LRRTM3: variants seen among roughly 807,000 people sequenced by gnomAD.
The protein encoded by LRRTM3 is leucine rich repeat transmembrane neuronal 3.
A neutral mutation model predicts 44.7 loss-of-function variants in LRRTM3; 24 were observed. The ratio of observed to expected loss-of-function variants is 0.54; its 90% CI spans 0.39 to 0.76. LRRTM3 has a LOEUF of 0.76. Among genes scored for constraint, LRRTM3 ranks in the 30% least tolerant of loss-of-function variants. The pLI is 0.00. For synonymous variants in LRRTM3, 277 were observed against 278.7 expected, an observed-to-expected ratio of 0.99 and a Z score of 0.06; for missense variants, 587 against 702.2, an observed-to-expected ratio of 0.84 and a Z score of 1.85.
At chr10:66,981,000 G>A (rs552657360) in intron 2 of LRRTM3, among the ~76,000 whole-genome samples, 6 of 152,094 alleles carry the variant, frequency 3.9e-5, no homozygotes, top group African/African-American at 9.6e-5. Flanking sequence ...TCCACCTCCC[G>A]GGTTCAAGTG....
chr10:67,000,094 T>G (rs1851590631), intron 2 of LRRTM3, among the ~76,000 whole-genome samples: 1 of 152,178 alleles, frequency 6.6e-6, no homozygotes, highest in African/African-American at 2.4e-5. Flanking sequence ...TTCTCCATAT[T>G]TCTAACAACT....
At chr10:67,007,036 TC>T (rs1299444682) in intron 2 of LRRTM3, among the ~76,000 whole-genome samples, 1 of 152,188 alleles carries the variant, frequency 6.6e-6, no homozygotes, top group African/African-American at 2.4e-5. Flanking sequence ...CCTCAAATGA[TC>T]CACCCTGCTC....
chr10:66,973,003 C>A lies in LRRTM3; in HGVS notation c.1536+44551C>A, dbSNP rs1439037951. Reference sequence around the variant, plus strand: ...GAAATGTCAGTATTAAAAACTAAGTCAACCACAAGCAGTTTTACATCATGT... The same window carrying A: ...GAAATGTCAGTATTAAAAACTAAGTAAACCACAAGCAGTTTTACATCATGT... On this transcript the variant is annotated intron_variant, in intron 2 of 2. Transcript: ENST00000361320. Among the ~76,000 whole-genome samples the A allele has an allele frequency of 3.3e-5, 5 of 152,236 alleles. No individual in the cohort carries two copies. In the South Asian group the frequency reaches 1.0e-3, roughly 32 times the overall value.
chr10:67,060,113 C>T (rs547593215), intron 2 of LRRTM3, among the ~76,000 whole-genome samples: 46 of 152,080 alleles, frequency 3.0e-4, no homozygotes, highest in Non-Finnish European at 4.9e-4. Flanking sequence ...CCTAGGATTT[C>T]GAGACCAGCC....
At chr10:66,932,401 G>A (rs1847453918) in intron 2 of LRRTM3, among the ~76,000 whole-genome samples, 1 of 152,162 alleles carries the variant, frequency 6.6e-6, no homozygotes, top group African/African-American at 2.4e-5. Flanking sequence ...GATAAAGTGA[G>A]TTCCAGACAT....
rs760199977 is a variant in LRRTM3 at position 67,001,654 on chromosome 10, C to G, written c.1536+73202C>G. Among the ~76,000 whole-genome samples, 38 of 152,012 alleles carry G rather than the reference C, an allele frequency of 2.5e-4. No homozygotes were observed. The Middle Eastern group carries it at 0.01, about 41-fold the overall frequency. ...AGAATAATTTTATAAAGAAAGTTACCACAAGACAACTTTAGTGGATCCTAA... is the reference window on the plus strand; with the variant it reads ...AGAATAATTTTATAAAGAAAGTTACGACAAGACAACTTTAGTGGATCCTAA... On this transcript the variant is annotated intron_variant, in intron 2 of 2. Transcript: ENST00000361320.
intron 2 of LRRTM3, among the ~76,000 whole-genome samples, chr10:66,950,900 CAT>C (rs1395386510): frequency 1.3e-5 from 2 of 152,094 alleles, no homozygotes; most frequent in Non-Finnish European, 2.9e-5. Context: ...GGTGTAATCA[CAT>C]GAGACAGAAT....
intron 2 of LRRTM3, among the ~76,000 whole-genome samples, chr10:66,994,710 G>A (rs1351519817): frequency 6.6e-6 from 1 of 152,130 alleles, no homozygotes; most frequent in East Asian, 1.9e-4. Flanking sequence ...TTAAGATAAG[G>A]AATAGCTTGA....
At chr10:66,936,093 G>C (rs1389129772) in intron 2 of LRRTM3, among the ~76,000 whole-genome samples, 1 of 152,072 alleles carries the variant, frequency 6.6e-6, no homozygotes, top group Non-Finnish European at 1.5e-5. Context: ...TAAGTGTTTA[G>C]TCTTTTGGAC....
At chr10:67,084,078 T>C (rs545277823) in intron 2 of LRRTM3, among the ~76,000 whole-genome samples, 92 of 152,198 alleles carry the variant, frequency 6.0e-4, no homozygotes, top group African/African-American at 2.2e-3. Context: ...AGTGTTTCCT[T>C]ATAAACAAGC....
chr10:67,030,996 C>A (rs937962494), intron 2 of LRRTM3, among the ~76,000 whole-genome samples: 1 of 152,054 alleles, frequency 6.6e-6, no homozygotes, highest in Non-Finnish European at 1.5e-5. Flanking sequence ...AAGAGCGAAA[C>A]TCCGTCTCAA....
At chr10:67,074,085 G>A (rs1474166717) in intron 2 of LRRTM3, among the ~76,000 whole-genome samples, 1 of 134,708 alleles carries the variant, frequency 7.4e-6, no homozygotes, top group Non-Finnish European at 1.5e-5. Context: ...CTCCAGGCTG[G>A]AGTGCAGTGG....
At chr10:66,975,919 A>C (rs1280648323) in intron 2 of LRRTM3, among the ~76,000 whole-genome samples, 3 of 152,222 alleles carry the variant, frequency 2.0e-5, no homozygotes, top group Non-Finnish European at 4.4e-5. Flanking sequence ...AAATATATAA[A>C]AGTCATTTAT....
intron 2 of LRRTM3, among the ~76,000 whole-genome samples, chr10:66,942,615 T>TGC: frequency 6.6e-6 from 1 of 152,010 alleles, no homozygotes; most frequent in East Asian, 1.9e-4. Context: ...TGCGTGTGTG[T>TGC]GCATGTGTCT....
chr10:66,972,204 A>G (rs2132832244), intron 2 of LRRTM3, among the ~76,000 whole-genome samples: 1 of 152,314 alleles, frequency 6.6e-6, no homozygotes, highest in South Asian at 2.1e-4. Context: ...ATGAACAAAG[A>G]TTTCTTTCTC....
intron 2 of LRRTM3, among the ~76,000 whole-genome samples, chr10:67,029,241 A>G (rs1853575811): frequency 6.6e-6 from 1 of 152,240 alleles, no homozygotes; most frequent in African/African-American, 2.4e-5. Flanking sequence ...ATATTCTTAA[A>G]TAAAACATGA....
intron 2 of LRRTM3, among the ~76,000 whole-genome samples, chr10:67,034,950 T>C (rs1853953327): frequency 6.6e-6 from 1 of 152,214 alleles, no homozygotes; most frequent in Non-Finnish European, 1.5e-5. Context: ...GCCTGAAATA[T>C]GCCCACCTAT....
intron 2 of LRRTM3, among the ~76,000 whole-genome samples, chr10:66,974,815 T>C (rs756450422): frequency 2.6e-5 from 4 of 152,100 alleles, no homozygotes; most frequent in Non-Finnish European, 5.9e-5. Context: ...TTTTTTTTTT[T>C]CTGAAGTGTC....
intron 2 of LRRTM3, among the ~76,000 whole-genome samples, chr10:66,938,710 T>C (rs1847848549): frequency 6.6e-6 from 1 of 152,200 alleles, no homozygotes; most frequent in Non-Finnish European, 1.5e-5. Flanking sequence ...CATGTTCTGA[T>C]TTAAATTGCT....
Sources: allele counts gnomAD v4.1 joint callset (sites outside exome capture counted in the v4.1 genomes callset), GRCh38; gene constraint gnomAD v4.1.1; transcripts MANE v1.5; gene names NCBI Gene and HGNC (gene_info 2026-07-23, HGNC 2026-07-21).